Variants in UMAD1 observed in about 807,000 individuals in gnomAD.
The protein encoded by UMAD1 is UBAP1-MVB12-associated (UMA)-domain containing protein 1.
UMAD1 carries 8 observed loss-of-function variants against 6.1 expected under a neutral mutation model. That is an observed-to-expected ratio of 1.30 (90% confidence interval 0.76 to 2.35). The LOEUF is 2.35. UMAD1 is among the 30% of genes most tolerant of loss of function. UMAD1 has a pLI of 0.00. For synonymous variants in UMAD1, 56 were observed against 31.4 expected (o/e 1.78, Z -2.61); for missense variants, 130 against 78.4 (o/e 1.66, Z -2.49).
intron 1 of UMAD1, among the ~76,000 whole-genome samples, chr7:7,656,902 A>C (rs1785356809): frequency 6.6e-6 from 1 of 152,242 alleles, no homozygotes; most frequent in African/African-American, 2.4e-5. Flanking sequence ...TGACTTCCAC[A>C]ATGGTTGAAC....
intron 3 of UMAD1, among the ~76,000 whole-genome samples, chr7:7,855,579 A>T (rs1341991327): frequency 1.3e-5 from 2 of 151,898 alleles, no homozygotes; most frequent in African/African-American, 4.9e-5. Context: ...TGCACACAGC[A>T]GGGGGGGCCC....
At chr7:7,837,659 A>G (rs1473358499) in intron 3 of UMAD1, among the ~76,000 whole-genome samples, 1 of 152,074 alleles carries the variant, frequency 6.6e-6, no homozygotes. Context: ...AAAAGCAGTT[A>G]AAAAAAGAAG....
intron 2 of UMAD1, among the ~76,000 whole-genome samples, chr7:7,690,174 A>T (rs557600647): frequency 6.6e-6 from 1 of 152,322 alleles, no homozygotes; most frequent in African/African-American, 2.4e-5. Flanking sequence ...TCTGCTGATG[A>T]TAATGTAGTC....
chr7:7,676,951 C>T (rs1779756907), intron 2 of UMAD1, among the ~76,000 whole-genome samples: 1 of 152,024 alleles, frequency 6.6e-6, no homozygotes, highest in Non-Finnish European at 1.5e-5. Flanking sequence ...TCATTCTATA[C>T]TGACATATAT....
intron 2 of UMAD1, among the ~76,000 whole-genome samples, chr7:7,774,920 G>A (rs1269876155): frequency 1.3e-5 from 2 of 152,118 alleles, no homozygotes; most frequent in Admixed American, 6.6e-5. Flanking sequence ...CCTCGCAAAG[G>A]TAACCTGTAT....
rs537218055 is a variant in UMAD1, at chr7:7,711,045, A to C, written c.82+37592A>C. On this transcript the variant is annotated intron_variant, in intron 2 of 3. Transcript: ENST00000682710. ...TCGCCGGTGGGTAAGGATGGGGTGA[A>C]AGTTAGAGGCAAGTGTGTGTGGCTA... 5.9e-5 allele frequency among the ~76,000 whole-genome samples: 9 copies of C among 152,286 alleles called. No homozygotes were observed. In the East Asian group the frequency reaches 1.7e-3, roughly 29 times the overall value.
At chr7:7,819,573 A>G (rs1783202571) in intron 3 of UMAD1, among the ~76,000 whole-genome samples, 1 of 152,140 alleles carries the variant, frequency 6.6e-6, no homozygotes, top group Non-Finnish European at 1.5e-5. Flanking sequence ...CTACGTGTAT[A>G]TTACTTGTTT....
intron 2 of UMAD1, among the ~76,000 whole-genome samples, chr7:7,702,719 G>A (rs1417771681): frequency 6.6e-6 from 1 of 152,178 alleles, no homozygotes; most frequent in Non-Finnish European, 1.5e-5. Context: ...CATCTATGAT[G>A]ATTTCTGAAA....
chr7:7,789,280 A>C (rs1219528231), intron 2 of UMAD1, among the ~76,000 whole-genome samples: 6 of 151,862 alleles, frequency 4.0e-5, no homozygotes, highest in Non-Finnish European at 7.3e-5. Flanking sequence ...AGAGAAAAAA[A>C]ACACATTTCC....
intron 2 of UMAD1, among the ~76,000 whole-genome samples, chr7:7,791,877 C>G (rs903093034): frequency 1.1e-4 from 17 of 152,148 alleles, no homozygotes; most frequent in Non-Finnish European, 2.2e-4. Flanking sequence ...AACATGGTGC[C>G]TAAAAGTTGT....
intron 2 of UMAD1, among the ~76,000 whole-genome samples, chr7:7,692,809 A>G (rs1464948614): frequency 2.0e-5 from 3 of 152,110 alleles, no homozygotes; most frequent in Non-Finnish European, 4.4e-5. Flanking sequence ...GGGGTTCACC[A>G]TGTTGGTCAG....
chr7:7,658,370 G>A (rs897708663), intron 1 of UMAD1, among the ~76,000 whole-genome samples: 8 of 152,196 alleles, frequency 5.3e-5, no homozygotes, highest in African/African-American at 1.7e-4. Context: ...GGTGAGAGAG[G>A]GCATCCTTGC....
intron 1 of UMAD1, among the ~76,000 whole-genome samples, chr7:7,661,602 C>G (rs188514015): frequency 2.0e-5 from 3 of 152,148 alleles, no homozygotes; most frequent in Non-Finnish European, 2.9e-5. Context: ...GAGGTCCAGT[C>G]GAGACCCTGT....
At chr7:7,799,562 A>C (rs1782757478) in intron 2 of UMAD1, among the ~76,000 whole-genome samples, 1 of 152,260 alleles carries the variant, frequency 6.6e-6, no homozygotes, top group Non-Finnish European at 1.5e-5. Context: ...TTTTTAAAAG[A>C]TAAATAATAT....
intron 3 of UMAD1, among the ~76,000 whole-genome samples, chr7:7,818,330 T>A (rs1783172503): frequency 6.6e-6 from 1 of 152,198 alleles, no homozygotes; most frequent in Non-Finnish European, 1.5e-5. Context: ...TTTTTATGGC[T>A]ACATAGTATT....
chr7:7,805,619 C>T (rs796396659), intron 3 of UMAD1, among the ~76,000 whole-genome samples: 2 of 152,138 alleles, frequency 1.3e-5, no homozygotes, highest in East Asian at 3.9e-4. Flanking sequence ...TGCTAAGCTC[C>T]TTGCAGTGGG....
In UMAD1 at chr7:7,802,223, T is replaced by C. The variant is rs1045306843; in HGVS notation, c.156+480T>C. 3.9e-5 allele frequency among the ~76,000 whole-genome samples: 6 copies of C among 152,146 alleles called. No homozygotes were observed. The East Asian group carries it at 7.7e-4, about 20-fold the overall frequency. On this transcript the variant is annotated intron_variant, in intron 3 of 3. Transcript: ENST00000682710. ...TGAAACCCCATCTCTACTAAAAATA[T>C]AAAAATTAGCTGGGCATGGTGGCAT...
In UMAD1 at chr7:7,662,452, C is replaced by T. The variant is rs182165611; in HGVS notation, c.-63-10857C>T. Among the ~76,000 whole-genome samples the T allele has an allele frequency of 3.2e-3, 487 of 152,288 alleles. 5 individuals are homozygous for T. The highest frequency in any genetic ancestry group is 0.014 in the Middle Eastern group (4 of 294). ...CCCAGGTCCGTGGTGGCATAGGCAC[C>T]GGCGGGAATCTCCTGGTCTGTGGGT... On this transcript the variant is annotated intron_variant, in intron 1 of 3. Coordinates refer to ENST00000682710, the MANE Select transcript of UMAD1 (RefSeq NM_001302348.2).
chr7:7,835,696 AGTTAAT>A (rs1177871520), intron 3 of UMAD1, among the ~76,000 whole-genome samples: 1 of 151,774 alleles, frequency 6.6e-6, no homozygotes, highest in African/African-American at 2.4e-5. Context: ...ATTATTTGTC[AGTTAAT>A]AAAGGGATTT....
Sources: allele counts gnomAD v4.1 joint callset (sites outside exome capture counted in the v4.1 genomes callset), GRCh38; gene constraint gnomAD v4.1.1; transcripts MANE v1.5; gene names NCBI Gene and HGNC (gene_info 2026-07-23, HGNC 2026-07-21).